FZD3: variants seen among roughly 807,000 people sequenced by gnomAD.
The protein encoded by FZD3 is frizzled class receptor 3.
FZD3 carries 30 observed loss-of-function variants against 60.7 expected under a neutral mutation model. That is an observed-to-expected ratio of 0.49 (90% CI 0.37 to 0.67). The LOEUF (loss-of-function observed/expected upper bound fraction) is 0.67, where lower values mean the gene tolerates loss of function less well. Among genes scored for constraint, FZD3 ranks in the 30% least tolerant of loss-of-function variants. The pLI, the probability that FZD3 is intolerant of heterozygous loss-of-function variation, is 0.00. For missense variants in FZD3, 605 were observed against 838.7 expected, an observed-to-expected ratio of 0.72 and a Z score of 3.44; for synonymous variants, 246 against 275.2, an observed-to-expected ratio of 0.89 and a Z score of 1.05.
chr8:28,524,911 C>T (rs1475164637), intron 4 of FZD3, among the ~76,000 whole-genome samples: 1 of 152,126 alleles, frequency 6.6e-6, no homozygotes, highest in Non-Finnish European at 1.5e-5. Flanking sequence ...CTGTTTTATT[C>T]CCTGGAAGTA....
chr8:28,536,033 A>G (rs968631941), intron 5 of FZD3, among the ~76,000 whole-genome samples: 1 of 152,214 alleles, frequency 6.6e-6, no homozygotes, highest in African/African-American at 2.4e-5. Flanking sequence ...AGTAATATCT[A>G]CCTCATGGGT....
Position 28,571,943 on chromosome 8 carries a change from G to T in FZD3, c.*8932G>T, listed in dbSNP as rs893936678. On this transcript the variant is annotated 3_prime_UTR_variant, in exon 8 of 8. Coordinates refer to ENST00000240093, the MANE Select transcript of FZD3 (RefSeq NM_017412.4). Reference sequence around the variant, plus strand: ...ATTTTAATCTGATAGTGAATTTGGGGATTATTTATGTAAATGTATCATAAT... The same window carrying T: ...ATTTTAATCTGATAGTGAATTTGGGTATTATTTATGTAAATGTATCATAAT... 5 of 152,026 alleles carry T rather than the reference G, an allele frequency of 3.3e-5. No individual in the cohort carries two copies. The highest frequency in any genetic ancestry group is 5.9e-5 in the Non-Finnish European group (4 of 67,990). The allele number at this position is 152,026 out of a possible 1,614,324, so 9.4% of individuals were successfully genotyped here.
In FZD3 at chr8:28,535,852, G is replaced by C. The variant is rs79922387; in HGVS notation, c.1404+7688G>C. On this transcript the variant is annotated intron_variant, in intron 5 of 7. Transcript: ENST00000240093. ...TTTTTAGTGCCTTCTAAGAGTTTCAGAGTATCCTGTGAAAGTTACAGTTTT... is the reference window on the plus strand; with the variant it reads ...TTTTTAGTGCCTTCTAAGAGTTTCACAGTATCCTGTGAAAGTTACAGTTTT... Among the ~76,000 whole-genome samples the C allele has an allele frequency of 4.6e-3, 702 of 152,170 alleles. 23 individuals are homozygous for C. In the East Asian group the frequency reaches 0.089, roughly 19 times the overall value.
intron 4 of FZD3, among the ~76,000 whole-genome samples, chr8:28,524,727 G>A (rs1160753340): frequency 3.4e-5 from 5 of 147,674 alleles, no homozygotes; most frequent in African/African-American, 9.9e-5. Context: ...TTTATATACC[G>A]ATGACTCCTA....
At position 28,566,181 on chromosome 8, in the gene FZD3, T is replaced by C. The variant is rs1488723529; in HGVS notation, c.*3170T>C. 1 of 152,172 alleles carries C rather than the reference T, an allele frequency of 6.6e-6. No homozygotes were observed. The highest frequency in any genetic ancestry group is 2.4e-5 in the African/African-American group (1 of 41,456). 9.4% of individuals were successfully genotyped at this position (152,172 alleles called of 1,614,324 possible). A position where few individuals can be genotyped will look rare whatever the true frequency, so the allele number is the denominator to read the frequency against. On this transcript the variant is annotated 3_prime_UTR_variant, in exon 8 of 8. Transcript: ENST00000240093. ...ACATCAAAGAAATTTGAAAGATCTA[T>C]AACCTATGTGAAATGAAGTCTCTGC...
At chr8:28,530,657 A>G (rs1200501541) in intron 5 of FZD3, 1 of 152,182 alleles carries the variant, frequency 6.6e-6, no homozygotes, top group African/African-American at 2.4e-5. Flanking sequence ...TAAAGAAGTC[A>G]TAGATTTAGC....
At chr8:28,503,784 C>T (rs1449602115) in intron 3 of FZD3, among the ~76,000 whole-genome samples, 1 of 152,116 alleles carries the variant, frequency 6.6e-6, no homozygotes, top group Non-Finnish European at 1.5e-5. Context: ...TGGTAATGAC[C>T]ATAGGCTTTG....
At position 28,527,995 on chromosome 8, in the gene FZD3, A is replaced by G. The variant is rs778766174; in HGVS notation, c.1235A>G (p.Asp412Gly). The change falls in exon 5 of 8, where the codon GAT becomes GGT. Residue 412 changes from aspartate to glycine, a missense_variant. Asp to Gly is a moderately conservative substitution (Grantham distance 94). Transcript: ENST00000240093. This position sits in a 1 kb window ranked among gnomAD's most constrained non-coding sequence, Gnocchi z 5.0. The part of the protein sequence containing the change: ...IEIPLEKENQ[D>G]KLVKFMIRIG... ...ATTCCATTAGAAAAGGAGAACCAAG[A>G]TAAATTAGTGAAGTTTATGATCCGG... is the stretch of plus-strand genomic sequence containing the variant. 1.1e-5 allele frequency: 17 copies of G among 1,614,014 alleles called. No homozygotes were observed. The highest frequency in any genetic ancestry group is 1.4e-5 in the Non-Finnish European group (17 of 1,179,900).
In FZD3 at chr8:28,502,852, G is replaced by A. The variant is rs537929012; in HGVS notation, c.-162G>A. 86 of 432,700 alleles carry A rather than the reference G, an allele frequency of 2.0e-4. No individual in the cohort carries two copies. Among genetic ancestry groups the A allele is most frequent in the Non-Finnish European group, 3.1e-4 (76 of 244,194 alleles). The allele number at this position is 432,700 out of a possible 1,614,324, so 26.8% of individuals were successfully genotyped here. The stretch of plus-strand genomic sequence containing the variant: ...AAACAAACGCCTTTTGTGAGACCAA[G>A]CTAACAAACCTCTGACGGTGCGAAG... On this transcript the variant is annotated 5_prime_UTR_variant, in exon 3 of 8. Coordinates refer to ENST00000240093, the MANE Select transcript of FZD3 (RefSeq NM_017412.4).
chr8:28,520,871 T>G (rs772981106), intron 4 of FZD3, 37 bp downstream of exon 4: 4 of 1,336,850 alleles, frequency 3.0e-6, no homozygotes, highest in Non-Finnish European at 4.1e-6. Flanking sequence ...TCATTTCTTA[T>G]GTTGCAATAT....
Position 28,562,910 on chromosome 8 carries a change from C to T in FZD3, c.1900C>T (p.Arg634Ter), listed in dbSNP as rs768706499. The T allele has an allele frequency of 6.8e-6, 11 of 1,612,318 alleles. No individual in the cohort carries two copies. Among genetic ancestry groups the T allele is most frequent in the South Asian group, 5.5e-5 (5 of 91,058 alleles). The change falls in exon 8 of 8, where the codon CGA becomes TGA. Residue 634 changes from arginine (R) to a stop codon, truncating the protein, a stop_gained. Coordinates refer to ENST00000240093, the MANE Select transcript of FZD3 (RefSeq NM_017412.4). LOFTEE classifies it high-confidence loss of function. ...TTCTCATCGGCTCAATGAACAGTCACGACATAGCAGCATCAGAGATCTCAG... is the reference window on the plus strand; with the variant it reads ...TTCTCATCGGCTCAATGAACAGTCATGACATAGCAGCATCAGAGATCTCAG... The part of the protein sequence containing the change: ...SSSHRLNEQS[R>*]HSSIRDLSNN...
At chr8:28,532,551 C>T (rs1238748383) in intron 5 of FZD3, among the ~76,000 whole-genome samples, 2 of 151,116 alleles carry the variant, frequency 1.3e-5, no homozygotes, top group Non-Finnish European at 2.9e-5. Context: ...CTCATCCCCC[C>T]AAGTAGGTGG....
At chr8:28,524,329 CTGAT>C (rs1220802944) in intron 4 of FZD3, among the ~76,000 whole-genome samples, 3 of 152,184 alleles carry the variant, frequency 2.0e-5, no homozygotes, top group Non-Finnish European at 4.4e-5. Flanking sequence ...TCCAAATAGA[CTGAT>C]TAATTTCTTA....
chr8:28,545,763 A>G (rs902771407), intron 5 of FZD3, among the ~76,000 whole-genome samples: 1 of 152,242 alleles, frequency 6.6e-6, no homozygotes, highest in Non-Finnish European at 1.5e-5. Context: ...TTACACAGTC[A>G]TAGATGGCCA....
At chr8:28,523,864 T>G (rs1214668251) in intron 4 of FZD3, among the ~76,000 whole-genome samples, 1 of 152,158 alleles carries the variant, frequency 6.6e-6, no homozygotes, top group South Asian at 2.1e-4. Context: ...GACTCTGCCC[T>G]CATGAATAGA....
rs537672856 is a variant in FZD3 at position 28,570,624 on chromosome 8, CA to C, written c.*7626del. The C allele has an allele frequency of 1.9e-3, 195 of 103,670 alleles. No individual in the cohort carries two copies. Among genetic ancestry groups the C allele is most frequent in the African/African-American group, 2.6e-3 (72 of 28,216 alleles). The allele number at this position is 103,670 out of a possible 1,614,324, so 6.4% of individuals were successfully genotyped here. A position where few individuals can be genotyped will look rare whatever the true frequency, so the allele number is the denominator to read the frequency against. ...TGGGCAACGGAGCGAGACTCTATCT[CA>C]AAAAAAAAAAAAGAAAAAAAAAAAA... On this transcript the variant is annotated 3_prime_UTR_variant, in exon 8 of 8. Transcript: ENST00000240093.
intron 5 of FZD3, among the ~76,000 whole-genome samples, chr8:28,544,964 A>G (rs989776249): frequency 6.6e-6 from 1 of 152,218 alleles, no homozygotes. Context: ...GAGAGGGCTC[A>G]GTGTACTAGT....
intron 7 of FZD3, 141 bp downstream of exon 7, chr8:28,556,112 A>G (rs1805503721): frequency 3.2e-6 from 2 of 632,964 alleles, no homozygotes; most frequent in Non-Finnish European, 2.8e-6. Flanking sequence ...GTCCCAGACT[A>G]TGGTCAGACT....
intron 5 of FZD3, among the ~76,000 whole-genome samples, chr8:28,540,520 A>G (rs1031947583): frequency 1.3e-5 from 2 of 152,174 alleles, no homozygotes; most frequent in African/African-American, 4.8e-5. Context: ...AGTTTTTTCC[A>G]ATTGCAAATG....
Sources: allele counts gnomAD v4.1 joint callset (sites outside exome capture counted in the v4.1 genomes callset), GRCh38; gene constraint gnomAD v4.1.1; non-coding constraint Gnocchi (gnomAD v3.1); transcripts MANE v1.5; gene names NCBI Gene and HGNC (gene_info 2026-07-23, HGNC 2026-07-21).